Variants in SFXN5 observed in about 807,000 individuals in gnomAD.
The protein encoded by SFXN5 is sideroflexin 5.
Under a neutral mutation model 50.2 loss-of-function variants are expected in SFXN5, and 43 were observed. That is an observed-to-expected ratio of 0.86 (90% CI 0.67 to 1.11). The LOEUF (loss-of-function observed/expected upper bound fraction) is 1.11, where lower values mean the gene tolerates loss of function less well. Among genes scored for constraint, SFXN5 ranks in the 50% least tolerant of loss-of-function variants. SFXN5 has a pLI of 0.00. For missense variants in SFXN5, 463 were observed against 454.1 expected, an observed-to-expected ratio of 1.02 and a Z score of -0.18; for synonymous variants, 203 against 185.8, an observed-to-expected ratio of 1.09 and a Z score of -0.75.
At chr2:72,954,023 G>A (rs1672814047) in intron 13 of SFXN5, among the ~76,000 whole-genome samples, 1 of 152,164 alleles carries the variant, frequency 6.6e-6, no homozygotes, top group Non-Finnish European at 1.5e-5. Flanking sequence ...AAGTGGGGAG[G>A]CAGGAAGGAG....
chr2:72,976,959 C>T (rs541912056), intron 10 of SFXN5, among the ~76,000 whole-genome samples: 6 of 152,330 alleles, frequency 3.9e-5, no homozygotes, highest in East Asian at 1.9e-4. Context: ...ATTCTACCCC[C>T]GCCCGAGATT....
Position 73,023,214 on chromosome 2 carries a change from G to C in SFXN5, c.250C>G (p.Leu84Val). 1 of 1,602,136 alleles carries C rather than the reference G, an allele frequency of 6.2e-7. No homozygotes were observed. Among genetic ancestry groups the C allele is most frequent in the South Asian group, 1.1e-5 (1 of 89,058 alleles). Residue 84 changes from leucine to valine, a missense_variant and splice_region_variant, in exon 4 of 14, where the codon CTC (leucine) becomes GTC (valine). Transcript: ENST00000272433. The stretch of plus-strand genomic sequence containing the variant: ...TGCTTGATTTTCTGTGCACTCCAGA[G>C]CTGGAAGAGAGATAAAGGAAAAGAA... ...TLRPGVTNEQ[L>V]WSAQKIKQAI...
chr2:72,983,993 C>T (rs1671608940), intron 10 of SFXN5, among the ~76,000 whole-genome samples: 2 of 152,368 alleles, frequency 1.3e-5, no homozygotes, highest in Non-Finnish European at 2.9e-5. Context: ...CTGGCAGCAA[C>T]CATACGTCAA....
At chr2:73,059,461 G>A (rs1458738818) in intron 1 of SFXN5, 1 of 985,358 alleles carries the variant, frequency 1.0e-6, no homozygotes, top group Non-Finnish European at 1.2e-6. Context: ...GGAGGAAACA[G>A]AAGCCTCCAC....
At chr2:73,008,747 G>C (rs1354592705) in intron 6 of SFXN5, among the ~76,000 whole-genome samples, 2 of 152,228 alleles carry the variant, frequency 1.3e-5, no homozygotes, top group African/African-American at 4.8e-5. Context: ...CACCGGCATA[G>C]CCGCGGTGCT....
chr2:72,997,392 G>A (rs973534713), intron 9 of SFXN5: 2 of 152,076 alleles, frequency 1.3e-5, no homozygotes, highest in Admixed American at 6.5e-5. Context: ...TTACCAAAAG[G>A]TTATTGTATG....
intron 6 of SFXN5, 96 bp from the exon 7 acceptor site, chr2:73,001,674 T>A (rs1322442694): frequency 1.6e-6 from 2 of 1,223,594 alleles, no homozygotes; most frequent in Non-Finnish European, 2.4e-6. Context: ...GTGAGCTGGA[T>A]CTGTACAAAC....
chr2:73,005,776 G>A (rs769426745), intron 6 of SFXN5, among the ~76,000 whole-genome samples: 6 of 152,100 alleles, frequency 3.9e-5, no homozygotes, highest in African/African-American at 7.2e-5. Context: ...TGATGCCCCC[G>A]CCATGGCATT....
At chr2:73,050,421 C>CACACACACACACACACACACACACACA (rs1240561312) in intron 2 of SFXN5, among the ~76,000 whole-genome samples, 9 of 148,394 alleles carry the variant, frequency 6.1e-5, no homozygotes, top group South Asian at 4.2e-4. Flanking sequence ...CACACACACA[C>CACACACACACACACACACACACACACA]CCCTGCAGAG....
chr2:73,008,160 C>T (rs1020059132), intron 6 of SFXN5, among the ~76,000 whole-genome samples: 2 of 152,296 alleles, frequency 1.3e-5, no homozygotes, highest in Admixed American at 1.3e-4. Flanking sequence ...CCCATGTGAT[C>T]ACCTGTGTGT....
rs115755950 is a variant in SFXN5, at chr2:72,959,369, G to A, written c.945+1762C>T. On this transcript the variant is annotated intron_variant, in intron 13 of 13. Transcript: ENST00000272433. ...AAAACCCCAGAAGAAAGGATCTGTG[G>A]CCCTCCCTGTACTGGCCCATAGCAC... Among the ~76,000 whole-genome samples, 566 of 152,058 alleles carry A rather than the reference G, an allele frequency of 3.7e-3. 3 individuals are homozygous for A. The highest frequency in any genetic ancestry group is 0.013 in the African/African-American group (540 of 41,476).
intron 1 of SFXN5, chr2:73,059,926 G>T: frequency 2.1e-6 from 2 of 942,946 alleles, no homozygotes; most frequent in Non-Finnish European, 1.3e-6. Flanking sequence ...AAGGTGGATG[G>T]TTAAATAAAT....
At chr2:72,964,077 AG>A (rs1307415450) in intron 12 of SFXN5, among the ~76,000 whole-genome samples, 1 of 152,172 alleles carries the variant, frequency 6.6e-6, no homozygotes. Flanking sequence ...TCTTCCCAGT[AG>A]GAAGCCCAGG....
chr2:72,964,943 G>A (rs771918275), intron 12 of SFXN5, among the ~76,000 whole-genome samples: 13 of 152,350 alleles, frequency 8.5e-5, no homozygotes, highest in Non-Finnish European at 1.6e-4. Context: ...GAAGGGAAGG[G>A]CACGGTCTCT....
chr2:73,050,322 C>T (rs1314916160), intron 2 of SFXN5, among the ~76,000 whole-genome samples: 1 of 151,970 alleles, frequency 6.6e-6, no homozygotes, highest in African/African-American at 2.4e-5. Flanking sequence ...CAACTCTCTT[C>T]CTGGGCCCCA....
chr2:72,990,628 T>C (rs530252710), intron 9 of SFXN5, among the ~76,000 whole-genome samples: 4 of 152,334 alleles, frequency 2.6e-5, no homozygotes, highest in Non-Finnish European at 4.4e-5. Context: ...AGATAGACCA[T>C]GTTGGCCCTT....
At chr2:73,055,586 T>C (rs935363093) in intron 2 of SFXN5, among the ~76,000 whole-genome samples, 2 of 151,288 alleles carry the variant, frequency 1.3e-5, no homozygotes, top group African/African-American at 2.4e-5. Context: ...TGGATTTCTT[T>C]TTTTTCTTTT....
Position 72,943,582 on chromosome 2 carries a change from G to A in SFXN5, c.*1440C>T, listed in dbSNP as rs1347298443. ...GGAGCCAGCAGCAAGGGGCCTCTGA[G>A]GCTGCCAGAGTGAGAGGCGACACAT... On this transcript the variant is annotated 3_prime_UTR_variant, in exon 14 of 14. Coordinates refer to ENST00000272433, the MANE Select transcript of SFXN5 (RefSeq NM_144579.3). 6.5e-6 allele frequency: 1 copy of A among 152,934 alleles called. No homozygotes were observed. Among genetic ancestry groups the A allele is most frequent in the Non-Finnish European group, 1.5e-5 (1 of 68,252 alleles). The allele number at this position is 152,934 out of a possible 1,614,324, so 9.5% of individuals were successfully genotyped here.
intron 13 of SFXN5, among the ~76,000 whole-genome samples, chr2:72,955,274 T>C (rs376388205): frequency 2.1e-5 from 3 of 145,166 alleles, no homozygotes; most frequent in African/African-American, 8.6e-5. Flanking sequence ...GCTGGCTCGC[T>C]CGCCCGCCCG....
Sources: gnomAD v4.1 joint callset for allele counts (sites outside exome capture counted in the v4.1 genomes callset) on GRCh38, gnomAD v4.1.1 for gene constraint, MANE v1.5 for transcripts, NCBI Gene and HGNC (gene_info 2026-07-23, HGNC 2026-07-21) for gene names.